SLC4A10: variants seen among roughly 807,000 people sequenced by gnomAD.
SLC4A10 encodes solute carrier family 4 member 10, also known as sodium-driven chloride bicarbonate exchanger.
Under a neutral mutation model 137.7 loss-of-function variants are expected in SLC4A10, and 42 were observed. The observed-to-expected ratio is 0.30, with a 90% CI of 0.24 to 0.39. The LOEUF is 0.39. Among genes scored for constraint, SLC4A10 ranks in the 10% least tolerant of loss-of-function variants. The probability of loss-of-function intolerance (pLI) is 1.00; values close to 1 mark genes in which losing one functional copy is unlikely to be tolerated. For synonymous variants in SLC4A10, 474 were observed against 464.1 expected (o/e 1.02, Z -0.27); for missense variants, 925 against 1,355.0 (o/e 0.68, Z 4.98).
chr2:161,938,408 G>A lies in SLC4A10; in HGVS notation c.1998-4384G>A, dbSNP rs544363090. ...TTCCAATGCAGCAATTGAGTTCACA[G>A]TTTGTATACAAATGGTGAGGATTCA... On this transcript the variant is annotated intron_variant, in intron 15 of 26. Transcript: ENST00000446997. Among the ~76,000 whole-genome samples, 21 of 152,216 alleles carry A rather than the reference G, an allele frequency of 1.4e-4. No individual in the cohort carries two copies. The South Asian group carries it at 2.7e-3, about 20-fold the overall frequency.
Position 161,855,143 on chromosome 2 carries a change from C to T in SLC4A10, c.577+13C>T. 1 of 1,598,430 alleles carries T rather than the reference C, an allele frequency of 6.3e-7. No individual in the cohort carries two copies. The highest frequency in any genetic ancestry group is 1.1e-5 in the South Asian group (1 of 87,996). On this transcript the variant is annotated intron_variant, in intron 5 of 26. Coordinates refer to ENST00000446997, the MANE Select transcript of SLC4A10 (RefSeq NM_001178015.2). ...GAAGAAATTGCAGGTATATCTTTTC[C>T]CCCTTAGTGTATTTTATAGGTACAG...
At chr2:161,907,468 A>G (rs1440751879) in intron 15 of SLC4A10, among the ~76,000 whole-genome samples, 1 of 152,202 alleles carries the variant, frequency 6.6e-6, no homozygotes, top group Non-Finnish European at 1.5e-5. Flanking sequence ...GCACTATACT[A>G]GGTGCTAGGA....
chr2:161,701,540 T>C (rs532475430), intron 1 of SLC4A10, among the ~76,000 whole-genome samples: 51 of 152,092 alleles, frequency 3.4e-4, no homozygotes, highest in Middle Eastern at 3.4e-3. Flanking sequence ...AATTGGGATA[T>C]CCATCACCTC....
chr2:161,974,158 G>A, intron 23 of SLC4A10, 91 bp from the exon 24 acceptor site: 1 of 1,066,160 alleles, frequency 9.4e-7, no homozygotes, highest in Non-Finnish European at 1.3e-6. Context: ...TGAGGTTAAT[G>A]AGATAATGAA....
chr2:161,957,322 A>C, intron 20 of SLC4A10, 82 bp downstream of exon 20: 2 of 1,459,020 alleles, frequency 1.4e-6, no homozygotes, highest in Middle Eastern at 2.2e-4. Context: ...CTGAGCCATA[A>C]ATTTGCAAAT....
At chr2:161,630,503 C>T (rs916351178) in intron 1 of SLC4A10, among the ~76,000 whole-genome samples, 2 of 151,534 alleles carry the variant, frequency 1.3e-5, no homozygotes, top group African/African-American at 4.8e-5. Flanking sequence ...AGACTGGCTC[C>T]TTAATTTACG....
intron 1 of SLC4A10, among the ~76,000 whole-genome samples, chr2:161,683,313 TC>T (rs1411585374): frequency 1.3e-5 from 2 of 152,148 alleles, no homozygotes; most frequent in Non-Finnish European, 2.9e-5. Flanking sequence ...TAAGAGGAAT[TC>T]AATAAACTTT....
intron 1 of SLC4A10, among the ~76,000 whole-genome samples, chr2:161,654,485 T>C (rs189367480): frequency 1.3e-5 from 2 of 152,320 alleles, no homozygotes; most frequent in Non-Finnish European, 2.9e-5. Flanking sequence ...GCTTTTCCTC[T>C]ATGTTGTTTT....
At chr2:161,732,413 A>G (rs558943375) in intron 1 of SLC4A10, among the ~76,000 whole-genome samples, 4 of 152,294 alleles carry the variant, frequency 2.6e-5, no homozygotes, top group African/African-American at 4.8e-5. Context: ...AGAGACAAAG[A>G]CCAACTATAT....
chr2:161,839,980 A>G, intron 4 of SLC4A10, 53 bp downstream of exon 4: 1 of 1,597,902 alleles, frequency 6.3e-7, no homozygotes, highest in Non-Finnish European at 8.5e-7. Flanking sequence ...TCATGTTACT[A>G]GAAAAAGAGA....
intron 1 of SLC4A10, among the ~76,000 whole-genome samples, chr2:161,748,333 A>G (rs2048596972): frequency 6.6e-6 from 1 of 151,980 alleles, no homozygotes; most frequent in African/African-American, 2.4e-5. Flanking sequence ...TTTGATATCT[A>G]AAAATATCAC....
intron 10 of SLC4A10, among the ~76,000 whole-genome samples, chr2:161,883,734 A>T (rs553366484): frequency 6.6e-6 from 1 of 152,070 alleles, no homozygotes; most frequent in African/African-American, 2.4e-5. Context: ...GCTTGTGGCA[A>T]TAGACCTTTG....
At chr2:161,859,987 A>T (rs1043139792) in intron 5 of SLC4A10, among the ~76,000 whole-genome samples, 1 of 152,164 alleles carries the variant, frequency 6.6e-6, no homozygotes, top group African/African-American at 2.4e-5. Context: ...TCTGGACCCA[A>T]CGTCATTATG....
rs181296841 is a variant in SLC4A10, at chr2:161,859,857, C to T, written c.578-3017C>T. Among the ~76,000 whole-genome samples, 331 of 152,192 alleles carry T rather than the reference C, an allele frequency of 2.2e-3. 2 individuals carry two copies. Among genetic ancestry groups the T allele is most frequent in the African/African-American group, 7.3e-3 (302 of 41,542 alleles). ...CCTCGTGATCCGCCCGCCTCGGCCT[C>T]CCAAAGTGCTGGGATTACAGGCGTG... is the stretch of plus-strand genomic sequence containing the variant. On this transcript the variant is annotated intron_variant, in intron 5 of 26. Coordinates refer to ENST00000446997, the MANE Select transcript of SLC4A10 (RefSeq NM_001178015.2).
At chr2:161,697,736 GCA>G (rs200466373) in intron 1 of SLC4A10, among the ~76,000 whole-genome samples, 1 of 152,168 alleles carries the variant, frequency 6.6e-6, no homozygotes, top group African/African-American at 2.4e-5. Flanking sequence ...AAGTCAGGTA[GCA>G]TGATGCCTCC....
intron 1 of SLC4A10, among the ~76,000 whole-genome samples, chr2:161,657,437 T>C (rs1354984030): frequency 6.6e-6 from 1 of 152,066 alleles, no homozygotes; most frequent in East Asian, 1.9e-4. Context: ...TATTTCTAGA[T>C]TTAAGCTATT....
intron 1 of SLC4A10, among the ~76,000 whole-genome samples, chr2:161,658,776 A>G (rs1201037073): frequency 1.3e-5 from 2 of 151,890 alleles, no homozygotes; most frequent in Non-Finnish European, 2.9e-5. Flanking sequence ...TTTTTGGTAG[A>G]GATGGGGTTT....
At chr2:161,863,927 C>T (rs1575345166) in intron 6 of SLC4A10, among the ~76,000 whole-genome samples, 1 of 152,050 alleles carries the variant, frequency 6.6e-6, no homozygotes, top group Non-Finnish European at 1.5e-5. Context: ...CTAGGCCGGG[C>T]GCAGTGGCTC....
intron 1 of SLC4A10, among the ~76,000 whole-genome samples, chr2:161,769,125 G>A (rs540861125): frequency 6.6e-6 from 1 of 151,482 alleles, no homozygotes; most frequent in Admixed American, 6.6e-5. Context: ...CATTTTTTTG[G>A]TTCTTGTTTT....
Sources: allele counts gnomAD v4.1 joint callset (sites outside exome capture counted in the v4.1 genomes callset), GRCh38; gene constraint gnomAD v4.1.1; transcripts MANE v1.5; gene names NCBI Gene and HGNC (gene_info 2026-07-23, HGNC 2026-07-21).